ZNF385D: variants seen among roughly 807,000 people sequenced by gnomAD.
ZNF385D encodes zinc finger protein 659.
In ZNF385D, 15 loss-of-function variants were observed where a neutral mutation model predicts 35.8. The observed-to-expected ratio is 0.42, with a 90% CI of 0.28 to 0.64. The LOEUF is 0.64. ZNF385D is among the 30% of genes least tolerant of loss of function. The pLI is 0.23. For missense variants in ZNF385D, 474 were observed against 494.6 expected (o/e 0.96, Z 0.39); for synonymous variants, 212 against 186.8 (o/e 1.13, Z -1.10).
chr3:21,786,079 G>A (rs1488574488), intron 3 of ZNF385D, among the ~76,000 whole-genome samples: 1 of 151,308 alleles, frequency 6.6e-6, no homozygotes. Context: ...GTGTGATATT[G>A]ATGCTTTTAT....
intron 2 of ZNF385D, among the ~76,000 whole-genome samples, chr3:22,323,374 A>C (rs900444095): frequency 6.6e-6 from 1 of 152,176 alleles, no homozygotes; most frequent in Non-Finnish European, 1.5e-5. Context: ...CATGATAGTA[A>C]GTAAGTAGAT....
intron 2 of ZNF385D, among the ~76,000 whole-genome samples, chr3:22,186,182 A>G (rs1372693444): frequency 6.6e-6 from 1 of 152,176 alleles, no homozygotes; most frequent in Non-Finnish European, 1.5e-5. Context: ...AGGAACTTCA[A>G]AATAAGAAAG....
intron 3 of ZNF385D, among the ~76,000 whole-genome samples, chr3:21,542,086 C>T (rs1020650972): frequency 1.3e-5 from 2 of 151,994 alleles, no homozygotes; most frequent in Non-Finnish European, 2.9e-5. Flanking sequence ...AACTCGGAGG[C>T]TTCTACAAAA....
chr3:22,232,350 A>G (rs1698943665), intron 2 of ZNF385D, among the ~76,000 whole-genome samples: 1 of 150,968 alleles, frequency 6.6e-6, no homozygotes, highest in Non-Finnish European at 1.5e-5. Context: ...TCCTACTTGA[A>G]CTTTGTATTT....
At chr3:21,903,198 T>C (rs1699501295) in intron 3 of ZNF385D, among the ~76,000 whole-genome samples, 2 of 152,296 alleles carry the variant, frequency 1.3e-5, no homozygotes, top group South Asian at 4.1e-4. Flanking sequence ...TAATAACTAG[T>C]AATATGAACA....
intron 1 of ZNF385D, among the ~76,000 whole-genome samples, chr3:21,708,283 G>C (rs538753960): frequency 2.4e-4 from 36 of 152,208 alleles, no homozygotes; most frequent in Non-Finnish European, 4.4e-4. Context: ...CCTTGGGCTG[G>C]GAACTCTGCA....
intron 1 of ZNF385D, among the ~76,000 whole-genome samples, chr3:21,667,154 T>C (rs1489159485): frequency 1.3e-5 from 2 of 152,188 alleles, no homozygotes; most frequent in African/African-American, 4.8e-5. Context: ...AGTTTTAAAT[T>C]ACTTTTATTT....
intron 3 of ZNF385D, among the ~76,000 whole-genome samples, chr3:22,121,802 A>C (rs1461024901): frequency 2.0e-5 from 3 of 152,026 alleles, no homozygotes; most frequent in Non-Finnish European, 4.4e-5. Flanking sequence ...AGCAAACTGC[A>C]ACAGCTTTTT....
intron 3 of ZNF385D, among the ~76,000 whole-genome samples, chr3:22,085,086 G>A (rs1700957683): frequency 6.6e-6 from 1 of 152,116 alleles, no homozygotes; most frequent in Non-Finnish European, 1.5e-5. Flanking sequence ...GTGTGTAGAG[G>A]GAAATTTATA....
intron 2 of ZNF385D, among the ~76,000 whole-genome samples, chr3:22,299,412 A>AC (rs763396082): frequency 1.3e-4 from 20 of 151,942 alleles, no homozygotes; most frequent in Non-Finnish European, 2.7e-4. Context: ...ATTATACTAC[A>AC]CGGGGGGAAT....
At chr3:22,150,777 G>A (rs1054694001) in intron 3 of ZNF385D, among the ~76,000 whole-genome samples, 15 of 152,028 alleles carry the variant, frequency 9.9e-5, no homozygotes, top group Non-Finnish European at 4.4e-5. Context: ...ATTAGTAGAA[G>A]CTTTAGCTTA....
intron 3 of ZNF385D, among the ~76,000 whole-genome samples, chr3:21,770,645 T>C (rs1458838888): frequency 6.6e-6 from 1 of 152,236 alleles, no homozygotes; most frequent in African/African-American, 2.4e-5. Flanking sequence ...TTGGTGGGAC[T>C]GTAAACTAGT....
At chr3:21,618,004 G>A (rs184892002) in intron 2 of ZNF385D, among the ~76,000 whole-genome samples, 33 of 152,166 alleles carry the variant, frequency 2.2e-4, no homozygotes, top group Admixed American at 1.9e-3. Flanking sequence ...CTAGATTCCT[G>A]GTACAATTAT....
intron 2 of ZNF385D, among the ~76,000 whole-genome samples, chr3:22,182,568 A>G (rs2125781408): frequency 1.3e-5 from 2 of 152,174 alleles, no homozygotes; most frequent in Admixed American, 1.3e-4. Flanking sequence ...TTGCTATACT[A>G]GATACATTGA....
intron 4 of ZNF385D, among the ~76,000 whole-genome samples, chr3:21,500,435 A>C (rs1042847344): frequency 1.3e-5 from 2 of 152,166 alleles, no homozygotes; most frequent in Non-Finnish European, 2.9e-5. Flanking sequence ...GCAGGAGGAT[A>C]ATACAATTTC....
At chr3:21,954,508 A>G (rs1245601874) in intron 3 of ZNF385D, among the ~76,000 whole-genome samples, 1 of 152,036 alleles carries the variant, frequency 6.6e-6, no homozygotes, top group Non-Finnish European at 1.5e-5. Flanking sequence ...TTTTGCAGCA[A>G]TTTTAGTGTC....
chr3:22,218,250 T>G (rs1488620920), intron 2 of ZNF385D, among the ~76,000 whole-genome samples: 1 of 152,108 alleles, frequency 6.6e-6, no homozygotes, highest in Non-Finnish European at 1.5e-5. Context: ...AAAAACATTG[T>G]AGGCTTTTCA....
rs554323359 is a variant in ZNF385D, at chr3:21,959,430, T to G, written c.325+209387A>C. Among the ~76,000 whole-genome samples, 14 of 152,304 alleles carry G rather than the reference T, an allele frequency of 9.2e-5. No individual in the cohort carries two copies. The South Asian group carries it at 2.3e-3, about 25-fold the overall frequency. On this transcript the variant is annotated intron_variant, in intron 3 of 5. Transcript: ENST00000494108. ...TAAAGCTGTAAAATACTATAGTGTTTGTGAGGAACCAGTCAAAAATCCAAT... is the reference window on the plus strand; with the variant it reads ...TAAAGCTGTAAAATACTATAGTGTTGGTGAGGAACCAGTCAAAAATCCAAT...
chr3:22,212,692 C>T (rs1697601724), intron 2 of ZNF385D, among the ~76,000 whole-genome samples: 1 of 151,778 alleles, frequency 6.6e-6, no homozygotes, highest in African/African-American at 2.4e-5. Context: ...CAAATAAAAG[C>T]TCATCTTAGG....
Sources: allele counts gnomAD v4.1 joint callset (sites outside exome capture counted in the v4.1 genomes callset), GRCh38; gene constraint gnomAD v4.1.1; transcripts MANE v1.5; gene names NCBI Gene and HGNC (gene_info 2026-07-23, HGNC 2026-07-21).